Variants in TGM5 observed in about 807,000 individuals in gnomAD.
The protein encoded by TGM5 is protein-glutamine gamma-glutamyltransferase 5.
In TGM5, 69 loss-of-function variants were observed where a neutral mutation model predicts 77.2. The ratio of observed to expected loss-of-function variants is 0.89; its 90% CI spans 0.74 to 1.09. The LOEUF is 1.09. Ranked by LOEUF, TGM5 falls within the 50% of genes least tolerant of loss-of-function variation. The pLI is 0.00. For synonymous variants in TGM5, 346 were observed against 351.8 expected, an observed-to-expected ratio of 0.98 and a Z score of 0.18; for missense variants, 842 against 896.5, an observed-to-expected ratio of 0.94 and a Z score of 0.78.
intron 1 of TGM5, 114 bp downstream of exon 1, chr15:43,266,726 G>A (rs2042826948): frequency 7.2e-7 from 1 of 1,395,212 alleles, no homozygotes; most frequent in East Asian, 2.3e-5. Context: ...TCCTGCCTCA[G>A]TTCTGTATTT....
At chr15:43,252,507 G>A (rs566373820) in intron 6 of TGM5, among the ~76,000 whole-genome samples, 3 of 151,904 alleles carry the variant, frequency 2.0e-5, no homozygotes, top group East Asian at 1.9e-4. Flanking sequence ...TAGTAGAGAC[G>A]GGGTTTCACC....
chr15:43,253,907 C>T (rs1365675347), intron 4 of TGM5, among the ~76,000 whole-genome samples: 1 of 152,106 alleles, frequency 6.6e-6, no homozygotes, highest in Non-Finnish European at 1.5e-5. Context: ...GTTTTTTCCC[C>T]AGTGAGTCTG....
At chr15:43,248,676 A>T (rs548198831) in intron 6 of TGM5, among the ~76,000 whole-genome samples, 1 of 152,360 alleles carries the variant, frequency 6.6e-6, no homozygotes, top group South Asian at 2.1e-4. Flanking sequence ...ATGGAAAATA[A>T]GAAAGGTTTG....
At chr15:43,258,949 G>A (rs2142380245) in intron 3 of TGM5, among the ~76,000 whole-genome samples, 1 of 152,306 alleles carries the variant, frequency 6.6e-6, no homozygotes, top group African/African-American at 2.4e-5. Flanking sequence ...CCTGGCTGAT[G>A]GGTGAGCATT....
intron 10 of TGM5, 91 bp from the exon 11 acceptor site, chr15:43,235,020 A>G: frequency 3.3e-6 from 5 of 1,500,178 alleles, no homozygotes; most frequent in Non-Finnish European, 4.6e-6. Context: ...CAGAGAAGAG[A>G]AAGTCAACAA....
chr15:43,239,933 C>T (rs568327962), intron 7 of TGM5, among the ~76,000 whole-genome samples: 1 of 152,200 alleles, frequency 6.6e-6, no homozygotes, highest in African/African-American at 2.4e-5. Context: ...ACTCAGGAAA[C>T]AATACTCCAA....
chr15:43,261,947 A>T (rs925959152), intron 1 of TGM5, among the ~76,000 whole-genome samples: 3 of 152,216 alleles, frequency 2.0e-5, no homozygotes, highest in African/African-American at 7.2e-5. Context: ...TATAAAAGGC[A>T]CATTCCTTAA....
At chr15:43,258,624 G>A (rs17778967) in intron 3 of TGM5, among the ~76,000 whole-genome samples, 2,910 of 152,246 alleles carry the variant, frequency 0.019, 45 homozygotes, top group Non-Finnish European at 0.029. Context: ...GAAGCTGCAG[G>A]TTCATGGTTG....
Position 43,259,721 on chromosome 15 carries a change from G to A in TGM5, c.436+331C>T, listed in dbSNP as rs554001. On this transcript the variant is annotated intron_variant, in intron 3 of 12. Transcript: ENST00000220420. ...CTTTCCTTCATTCCATAAATACTCA[G>A]TGCAGTGCATTCGTTCCTTTTATAA... is the stretch of plus-strand genomic sequence containing the variant. Among the ~76,000 whole-genome samples, 72,455 of 151,892 alleles carry A rather than the reference G, an allele frequency of 0.48. 22,066 individuals carry two copies. The highest frequency in any genetic ancestry group is 0.87 in the African/African-American group (35,951 of 41,490).
chr15:43,245,900 G>C (rs910682960), intron 6 of TGM5, among the ~76,000 whole-genome samples: 6 of 112,794 alleles, frequency 5.3e-5, no homozygotes, highest in Non-Finnish European at 1.1e-4. Context: ...TGTGTGTGTT[G>C]GGGGGGGGGG....
At chr15:43,236,988 A>AG (rs1644136775) in intron 9 of TGM5, among the ~76,000 whole-genome samples, 1 of 150,130 alleles carries the variant, frequency 6.7e-6, no homozygotes, top group African/African-American at 2.4e-5. Flanking sequence ...AAAAAAAAAA[A>AG]GAGTGGGCCC....
In TGM5 at chr15:43,238,776, G is replaced by A. The variant is rs930966712; in HGVS notation, c.1345+41C>T. 1.9e-6 allele frequency: 3 copies of A among 1,609,702 alleles called. No individual in the cohort carries two copies. The African/African-American group carries it at 4.0e-5, about 21-fold the overall frequency. On this transcript the variant is annotated intron_variant, in intron 9 of 12. Coordinates refer to ENST00000220420, the MANE Select transcript of TGM5 (RefSeq NM_201631.4). Reference sequence around the variant, plus strand: ...CTCCCTGGGGTAGGGGAAGGTTCCTGCAGGGCTGGGGCTCTGAGTAGGGCT... The same window carrying A: ...CTCCCTGGGGTAGGGGAAGGTTCCTACAGGGCTGGGGCTCTGAGTAGGGCT...
At chr15:43,263,288 A>G (rs186553097) in intron 1 of TGM5, among the ~76,000 whole-genome samples, 327 of 152,382 alleles carry the variant, frequency 2.1e-3, no homozygotes, top group Non-Finnish European at 4.1e-3. Flanking sequence ...CTGCAGATTC[A>G]ACACAATCCC....
intron 6 of TGM5, among the ~76,000 whole-genome samples, chr15:43,245,173 G>T (rs1213325082): frequency 6.6e-6 from 1 of 152,030 alleles, no homozygotes; most frequent in African/African-American, 2.4e-5. Context: ...AATTTTATAA[G>T]AAAATTCAGT....
Position 43,261,074 on chromosome 15 carries a change from GTGTTTTTTTTTTTTTT to G in TGM5, c.11-511_11-496del, listed in dbSNP as rs1289485309. On this transcript the variant is annotated intron_variant, in intron 1 of 12. Transcript: ENST00000220420. ...AGCTGCTCTTCCTTTTTTTGTGTGT[GTGTTTTTTTTTTTTTT>G]TTTTTTTTTTTTTTTTTGAGACAGA... 2.2e-4 allele frequency among the ~76,000 whole-genome samples: 16 copies of G among 73,878 alleles called. 1 individual carries two copies. Among genetic ancestry groups the G allele is most frequent in the Admixed American group, 5.5e-4 (3 of 5,480 alleles). The allele number at this position is 73,878 out of a possible 152,430, so 48.5% of individuals were successfully genotyped here. A position where few individuals can be genotyped will look rare whatever the true frequency, so the allele number is the denominator to read the frequency against.
intron 6 of TGM5, among the ~76,000 whole-genome samples, chr15:43,242,409 C>T (rs1319379417): frequency 6.6e-6 from 1 of 151,190 alleles, no homozygotes; most frequent in Non-Finnish European, 1.5e-5. Flanking sequence ...TCAATTTTCC[C>T]CCTGTTGTAA....
At position 43,253,071 on chromosome 15, in the gene TGM5, G is replaced by C. The variant is rs888170207; in HGVS notation, c.685-135C>G. The C allele has an allele frequency of 3.1e-6, 3 of 953,012 alleles. No individual in the cohort carries two copies. The East Asian group carries it at 7.8e-5, about 25-fold the overall frequency. The allele number at this position is 953,012 out of a possible 1,614,324, so 59.0% of individuals were successfully genotyped here. A position where few individuals can be genotyped will look rare whatever the true frequency, so the allele number is the denominator to read the frequency against. On this transcript the variant is annotated intron_variant, in intron 5 of 12. Transcript: ENST00000220420. ...GACAGCATTTTACTGTGGACTTCCA[G>C]ACCTGCTGGGGAGGGCTAAGGATGG...
chr15:43,244,111 C>A (rs970900857), intron 6 of TGM5, among the ~76,000 whole-genome samples: 1 of 152,208 alleles, frequency 6.6e-6, no homozygotes, highest in Non-Finnish European at 1.5e-5. Flanking sequence ...GAAGTTTTCA[C>A]CAATGACTCC....
chr15:43,233,076 T>A lies in TGM5; in HGVS notation c.*115A>T. The A allele has an allele frequency of 7.6e-7, 1 of 1,314,590 alleles. No individual in the cohort carries two copies. The highest frequency in any genetic ancestry group is 2.0e-5 in the Admixed American group (1 of 50,826). 81.4% of individuals were successfully genotyped at this position (1,314,590 alleles called of 1,614,324 possible). Reference sequence around the variant, plus strand: ...ATGAACACGTCATCCCCTCTGTGGCTCTTGCTGGAGCCCTGTGAAGCCTCT... The same window carrying A: ...ATGAACACGTCATCCCCTCTGTGGCACTTGCTGGAGCCCTGTGAAGCCTCT... On this transcript the variant is annotated 3_prime_UTR_variant, in exon 13 of 13. Coordinates refer to ENST00000220420, the MANE Select transcript of TGM5 (RefSeq NM_201631.4).
Sources: gnomAD v4.1 joint callset for allele counts (sites outside exome capture counted in the v4.1 genomes callset) on GRCh38, gnomAD v4.1.1 for gene constraint, MANE v1.5 for transcripts, NCBI Gene and HGNC (gene_info 2026-07-23, HGNC 2026-07-21) for gene names.